The following SH2D4A variants were observed in gnomAD, a reference collection of about 807,000 sequenced individuals.
SH2D4A encodes SH2 domain containing 4A, also known as SH2 domain-containing protein 4A.
In SH2D4A, 70 loss-of-function variants were observed where a neutral mutation model predicts 64.7. The observed-to-expected ratio is 1.08, with a 90% CI of 0.89 to 1.32. The LOEUF (loss-of-function observed/expected upper bound fraction) is 1.32, where lower values mean the gene tolerates loss of function less well. Among genes scored for constraint, SH2D4A ranks in the 40% most tolerant of loss-of-function variants. The probability of loss-of-function intolerance (pLI) is 0.00; values close to 1 mark genes in which losing one functional copy is unlikely to be tolerated. For synonymous variants in SH2D4A, 268 were observed against 200.7 expected, an observed-to-expected ratio of 1.34 and a Z score of -2.83; for missense variants, 706 against 540.1, an observed-to-expected ratio of 1.31 and a Z score of -3.04.
At chr8:19,351,303 A>C (rs748478053) in intron 4 of SH2D4A, among the ~76,000 whole-genome samples, 1 of 152,194 alleles carries the variant, frequency 6.6e-6, no homozygotes, top group African/African-American at 2.4e-5. Context: ...TATCTTGATT[A>C]ATAGTGAAAC....
At chr8:19,349,800 T>G (rs1219127703) in intron 4 of SH2D4A, among the ~76,000 whole-genome samples, 1 of 152,236 alleles carries the variant, frequency 6.6e-6, no homozygotes, top group Non-Finnish European at 1.5e-5. Context: ...ACCTCCAGTG[T>G]TCAAGTGATT....
At chr8:19,371,207 C>T (rs115770612) in intron 7 of SH2D4A, among the ~76,000 whole-genome samples, 20 of 152,072 alleles carry the variant, frequency 1.3e-4, no homozygotes, top group Non-Finnish European at 2.2e-4. Context: ...ATGTTAGCAT[C>T]CAGTTTATGT....
At chr8:19,317,790 A>C (rs1322743587) in intron 1 of SH2D4A, among the ~76,000 whole-genome samples, 1 of 152,220 alleles carries the variant, frequency 6.6e-6, no homozygotes, top group African/African-American at 2.4e-5. Flanking sequence ...TCTGAAGTTT[A>C]AGACTGTTTG....
At chr8:19,329,012 G>C (rs2052328394) in intron 2 of SH2D4A, among the ~76,000 whole-genome samples, 1 of 152,176 alleles carries the variant, frequency 6.6e-6, no homozygotes, top group African/African-American at 2.4e-5. Context: ...CTGTGTGATG[G>C]TCAGCCTATG....
intron 5 of SH2D4A, among the ~76,000 whole-genome samples, chr8:19,359,717 A>C (rs1438220573): frequency 4.8e-5 from 7 of 144,972 alleles, no homozygotes; most frequent in African/African-American, 1.7e-4. Context: ...GAAAACAGTA[A>C]ATGCACAGAA....
chr8:19,364,377 G>T (rs553161519), intron 7 of SH2D4A, 95 bp downstream of exon 7: 4 of 1,396,976 alleles, frequency 2.9e-6, no homozygotes, highest in East Asian at 4.9e-5. Context: ...CTGCCATGGG[G>T]TGTGGAGGGC....
In SH2D4A at chr8:19,355,498, A is replaced by G. The variant is rs146515326; in HGVS notation, c.514-1705A>G. ...ATGGTAAATAGCAATTGTGAAACCT[A>G]CAGGATTCATTAGTTTGCCAAGGAA... is the stretch of plus-strand genomic sequence containing the variant. On this transcript the variant is annotated intron_variant, in intron 4 of 9. Transcript: ENST00000265807. Among the ~76,000 whole-genome samples the G allele has an allele frequency of 2.2e-4, 33 of 152,352 alleles. No individual in the cohort carries two copies. In the East Asian group the frequency reaches 6.0e-3, roughly 28 times the overall value.
chr8:19,353,269 C>T (rs1025928893), intron 4 of SH2D4A, among the ~76,000 whole-genome samples: 2 of 152,058 alleles, frequency 1.3e-5, no homozygotes, highest in African/African-American at 4.8e-5. Flanking sequence ...CCTCTTCATC[C>T]TGCCTCTAGG....
At chr8:19,394,306 C>A (rs1356018989) in intron 9 of SH2D4A, among the ~76,000 whole-genome samples, 1 of 152,194 alleles carries the variant, frequency 6.6e-6, no homozygotes, top group Non-Finnish European at 1.5e-5. Context: ...GGTACTGGTC[C>A]ATGGCCCTGG....
intron 8 of SH2D4A, among the ~76,000 whole-genome samples, chr8:19,375,975 A>C (rs112219558): frequency 0.027 from 4,154 of 152,126 alleles, 195 homozygotes; most frequent in African/African-American, 0.095. Flanking sequence ...AAGCCACTGT[A>C]CCTGCCTCGG....
chr8:19,327,381 G>T (rs117765638), intron 2 of SH2D4A, among the ~76,000 whole-genome samples: 1 of 152,188 alleles, frequency 6.6e-6, no homozygotes, highest in Non-Finnish European at 1.5e-5. Context: ...TGCCTGGGCG[G>T]TATTCAACTA....
At chr8:19,351,879 G>A (rs539512950) in intron 4 of SH2D4A, among the ~76,000 whole-genome samples, 4 of 152,136 alleles carry the variant, frequency 2.6e-5, no homozygotes, top group African/African-American at 9.6e-5. Flanking sequence ...TGCCTCTCGG[G>A]TTCAAGCGAT....
chr8:19,341,565 A>G (rs1039413493), intron 4 of SH2D4A, among the ~76,000 whole-genome samples: 1 of 152,176 alleles, frequency 6.6e-6, no homozygotes, highest in African/African-American at 2.4e-5. Context: ...ACTAGAGTCC[A>G]GGTGCTGTGA....
chr8:19,356,306 G>A (rs2052790446), intron 4 of SH2D4A, among the ~76,000 whole-genome samples: 1 of 152,254 alleles, frequency 6.6e-6, no homozygotes, highest in South Asian at 2.1e-4. Flanking sequence ...GTGCAGTAAT[G>A]ATCCTCTGTA....
chr8:19,368,948 A>T (rs1051178773), intron 7 of SH2D4A, among the ~76,000 whole-genome samples: 1 of 152,114 alleles, frequency 6.6e-6, no homozygotes, highest in South Asian at 2.1e-4. Flanking sequence ...TTCCTCTTTC[A>T]GCATGTAAAC....
At chr8:19,326,055 TC>T (rs1229641559) in intron 2 of SH2D4A, among the ~76,000 whole-genome samples, 2 of 152,190 alleles carry the variant, frequency 1.3e-5, no homozygotes, top group Non-Finnish European at 2.9e-5. Context: ...ATTTTCACCC[TC>T]CAAAGCATTT....
chr8:19,368,013 T>G (rs967531174), intron 7 of SH2D4A, among the ~76,000 whole-genome samples: 3 of 152,166 alleles, frequency 2.0e-5, no homozygotes, highest in Non-Finnish European at 4.4e-5. Flanking sequence ...ATTCAAGTCT[T>G]TAATCCATTT....
chr8:19,382,004 T>C (rs1418240249), intron 8 of SH2D4A, among the ~76,000 whole-genome samples: 3 of 152,164 alleles, frequency 2.0e-5, no homozygotes, highest in African/African-American at 7.2e-5. Flanking sequence ...TATATAATCC[T>C]GTTGATATGC....
intron 7 of SH2D4A, among the ~76,000 whole-genome samples, chr8:19,367,606 A>T (rs990394635): frequency 2.6e-5 from 4 of 151,930 alleles, no homozygotes; most frequent in Non-Finnish European, 4.4e-5. Context: ...ATTGAGTTTG[A>T]GTTCCTATAT....
Sources: allele counts gnomAD v4.1 joint callset (sites outside exome capture counted in the v4.1 genomes callset), GRCh38; gene constraint gnomAD v4.1.1; transcripts MANE v1.5; gene names NCBI Gene and HGNC (gene_info 2026-07-23, HGNC 2026-07-21).